Variants in VAV3 observed in about 807,000 individuals in gnomAD.
The protein encoded by VAV3 is vav guanine nucleotide exchange factor 3.
A neutral mutation model predicts 131.2 loss-of-function variants in VAV3; 94 were observed. The observed-to-expected ratio is 0.72, with a 90% confidence interval of 0.61 to 0.85. VAV3 has a LOEUF of 0.85. Among genes scored for constraint, VAV3 ranks in the 40% least tolerant of loss-of-function variants. The pLI is 0.00. For missense variants in VAV3, 939 were observed against 1,002.7 expected, an observed-to-expected ratio of 0.94 and a Z score of 0.86; for synonymous variants, 349 against 342.0, an observed-to-expected ratio of 1.02 and a Z score of -0.22.
chr1:107,620,322 A>T (rs1653470973), intron 20 of VAV3, among the ~76,000 whole-genome samples: 1 of 152,182 alleles, frequency 6.6e-6, no homozygotes, highest in Admixed American at 6.5e-5. Flanking sequence ...TCAGTCAATG[A>T]CTAACTTTAT....
At chr1:107,716,276 G>T (rs1227574836) in intron 15 of VAV3, among the ~76,000 whole-genome samples, 1 of 152,136 alleles carries the variant, frequency 6.6e-6, no homozygotes, top group Non-Finnish European at 1.5e-5. Context: ...TAAAGAAAAA[G>T]GCATATTCAC....
chr1:107,753,778 TTA>T (rs1663929975), intron 12 of VAV3, among the ~76,000 whole-genome samples: 1 of 151,844 alleles, frequency 6.6e-6, no homozygotes, highest in Non-Finnish European at 1.5e-5. Context: ...CAGTCTGGTC[TTA>T]AACTCCTGAC....
rs771773884 is a variant in VAV3 at position 107,753,549 on chromosome 1, T to TATATATATATATATACACACAC, written c.1173+1877_1173+1878insGTGTGTGTATATATATATATAT. On this transcript the variant is annotated intron_variant, in intron 12 of 26. Transcript: ENST00000370056. ...ATACGTATATATATATATATATATA[T>TATATATATATATATACACACAC]ACACACACACACTTTTTTTTTTGAG... 2.8e-4 allele frequency among the ~76,000 whole-genome samples: 23 copies of TATATATATATATATACACACAC among 81,790 alleles called. No homozygotes were observed. The East Asian group carries it at 3.6e-3, about 13-fold the overall frequency. The allele number at this position is 81,790 out of a possible 152,430, so 53.7% of individuals were successfully genotyped here.
intron 15 of VAV3, among the ~76,000 whole-genome samples, chr1:107,738,495 T>C (rs1195796587): frequency 6.6e-6 from 1 of 152,218 alleles, no homozygotes; most frequent in African/African-American, 2.4e-5. Flanking sequence ...CATAGTCTTA[T>C]TCAAAAATTG....
At chr1:107,944,842 G>C (rs1674173427) in intron 1 of VAV3, among the ~76,000 whole-genome samples, 1 of 152,134 alleles carries the variant, frequency 6.6e-6, no homozygotes, top group Non-Finnish European at 1.5e-5. Flanking sequence ...CTGAGCTCTG[G>C]CAATCCGCCC....
chr1:107,937,724 A>G (rs1287586398), intron 1 of VAV3, among the ~76,000 whole-genome samples: 3 of 152,214 alleles, frequency 2.0e-5, no homozygotes, highest in Non-Finnish European at 4.4e-5. Flanking sequence ...TTAAAATAAA[A>G]TTATAAATTA....
chr1:107,685,003 T>C (rs1422667149), intron 18 of VAV3, among the ~76,000 whole-genome samples: 4 of 152,188 alleles, frequency 2.6e-5, no homozygotes, highest in Non-Finnish European at 5.9e-5. Context: ...ATCTTCTTAA[T>C]GCACAATAGA....
chr1:107,783,007 CA>C (rs1665777701), intron 2 of VAV3, among the ~76,000 whole-genome samples: 1 of 152,202 alleles, frequency 6.6e-6, no homozygotes, highest in Admixed American at 6.5e-5. Flanking sequence ...AATAGGCCAA[CA>C]ATCAACTAGA....
At chr1:107,781,536 T>TA (rs1313501334) in intron 2 of VAV3, among the ~76,000 whole-genome samples, 1 of 152,150 alleles carries the variant, frequency 6.6e-6, no homozygotes, top group Non-Finnish European at 1.5e-5. Flanking sequence ...TGTTAATTTT[T>TA]AAAAAATTAA....
At chr1:107,722,621 T>C (rs1439451490) in intron 15 of VAV3, among the ~76,000 whole-genome samples, 3 of 152,146 alleles carry the variant, frequency 2.0e-5, no homozygotes, top group African/African-American at 4.8e-5. Flanking sequence ...ACAAATGGAA[T>C]TGATGACCTT....
chr1:107,669,160 C>T, intron 19 of VAV3: 1 of 1,070,060 alleles, frequency 9.3e-7, no homozygotes, highest in South Asian at 2.6e-5. Context: ...TCTATTTCAC[C>T]TTACAAAAAC....
rs759005815 is a variant in VAV3, at chr1:107,757,252, C to T, written c.1086+9G>A. On this transcript the variant is annotated intron_variant, in intron 11 of 26. Coordinates refer to ENST00000370056, the MANE Select transcript of VAV3 (RefSeq NM_006113.5). The stretch of plus-strand genomic sequence containing the variant: ...AAATACAAACAAATTACTGATGAAT[C>T]TGCCCTACCTTCATGGCATCAAGAG... The T allele has an allele frequency of 4.9e-5, 79 of 1,609,862 alleles. No homozygotes were observed. Among genetic ancestry groups the T allele is most frequent in the Non-Finnish European group, 6.4e-5 (75 of 1,178,662 alleles).
intron 19 of VAV3, chr1:107,668,910 A>G: frequency 2.0e-6 from 2 of 986,722 alleles, no homozygotes; most frequent in Non-Finnish European, 2.4e-6. Context: ...TGTAACAGTT[A>G]GTTCACAAGC....
chr1:107,894,460 A>G (rs1211465042), intron 1 of VAV3, among the ~76,000 whole-genome samples: 1 of 152,192 alleles, frequency 6.6e-6, no homozygotes, highest in Non-Finnish European at 1.5e-5. Flanking sequence ...AATTAAAACA[A>G]GCTGAACTCT....
intron 19 of VAV3, among the ~76,000 whole-genome samples, chr1:107,654,267 C>T (rs1006417330): frequency 6.6e-6 from 1 of 151,966 alleles, no homozygotes; most frequent in African/African-American, 2.4e-5. Context: ...AGAAATCAGA[C>T]TCAAAATTTT....
At chr1:107,948,798 A>C (rs1674393095) in intron 1 of VAV3, among the ~76,000 whole-genome samples, 2 of 152,088 alleles carry the variant, frequency 1.3e-5, no homozygotes, top group Admixed American at 1.3e-4. Flanking sequence ...GTGAGCTGAG[A>C]TCATGCCACT....
At chr1:107,605,357 T>A (rs184225373) in intron 22 of VAV3, among the ~76,000 whole-genome samples, 1 of 152,208 alleles carries the variant, frequency 6.6e-6, no homozygotes, top group East Asian at 1.9e-4. Context: ...TGGAGTAGGT[T>A]CCTGATAAAA....
chr1:107,925,832 A>C (rs1213268289), intron 1 of VAV3, among the ~76,000 whole-genome samples: 1 of 151,800 alleles, frequency 6.6e-6, no homozygotes, highest in Non-Finnish European at 1.5e-5. Context: ...TCAAAGAAAA[A>C]ATGTTACATA....
chr1:107,703,287 T>C (rs944912504), intron 17 of VAV3, among the ~76,000 whole-genome samples: 1 of 152,244 alleles, frequency 6.6e-6, no homozygotes, highest in Non-Finnish European at 1.5e-5. Context: ...ATTTCTATTA[T>C]ATTTTACAAC....
Sources: gnomAD v4.1 joint callset for allele counts (sites outside exome capture counted in the v4.1 genomes callset) on GRCh38, gnomAD v4.1.1 for gene constraint, MANE v1.5 for transcripts, NCBI Gene and HGNC (gene_info 2026-07-23, HGNC 2026-07-21) for gene names.